The following MTOR variants were observed in gnomAD, a reference collection of about 807,000 sequenced individuals.
MTOR encodes the protein mechanistic target of rapamycin kinase, also known as serine/threonine-protein kinase mTOR.
Under a neutral mutation model 319.8 loss-of-function variants are expected in MTOR, and 70 were observed. The observed-to-expected ratio is 0.22, with a 90% CI of 0.18 to 0.27. The LOEUF (loss-of-function observed/expected upper bound fraction) is 0.27. Among genes scored for constraint, MTOR ranks in the 10% least tolerant of loss-of-function variants. The probability of loss-of-function intolerance (pLI) is 1.00; values close to 1 mark genes in which losing one functional copy is unlikely to be tolerated. For missense variants in MTOR, 1,890 were observed against 3,274.4 expected, an observed-to-expected ratio of 0.58 and a Z score of 10.32; for synonymous variants, 1,183 against 1,211.4, an observed-to-expected ratio of 0.98 and a Z score of 0.49.
intron 29 of MTOR, among the ~76,000 whole-genome samples, chr1:11,159,223 C>A (rs1010824606): frequency 6.6e-6 from 1 of 152,176 alleles, no homozygotes; most frequent in Non-Finnish European, 1.5e-5. Flanking sequence ...AGGTGGAGTA[C>A]ATGAAGTGCC....
Position 11,215,203 on chromosome 1 carries a change from A to T in MTOR, c.3117+945T>A, listed in dbSNP as rs554034353. Among the ~76,000 whole-genome samples the T allele has an allele frequency of 2.0e-5, 3 of 152,150 alleles. No homozygotes were observed. The South Asian group carries it at 6.2e-4, about 32-fold the overall frequency. On this transcript the variant is annotated intron_variant, in intron 20 of 57. Transcript: ENST00000361445. ...GGGGGATTAAGTCACAGATTACTTC[A>T]TCCTCCTCCCATGAGGACACTGCTT...
chr1:11,250,185 G>C (rs74379526), intron 6 of MTOR, among the ~76,000 whole-genome samples: 30 of 96,974 alleles, frequency 3.1e-4, no homozygotes, highest in East Asian at 6.9e-4. Context: ...CTGACCCCCC[G>C]ACCTCCCTCC....
In MTOR at chr1:11,259,429, G is replaced by A; in HGVS notation, c.-14-6C>T. 1 of 1,525,974 alleles carries A rather than the reference G, an allele frequency of 6.6e-7. No individual in the cohort carries two copies. The highest frequency in any genetic ancestry group is 8.7e-7 in the Non-Finnish European group (1 of 1,144,132). The allele number at this position is 1,525,974 out of a possible 1,614,324, so 94.5% of individuals were successfully genotyped here. A position where few individuals can be genotyped will look rare whatever the true frequency, so the allele number is the denominator to read the frequency against. On this transcript the variant is annotated splice_region_variant and splice_polypyrimidine_tract_variant and intron_variant, in intron 1 of 57. Coordinates refer to ENST00000361445, the MANE Select transcript of MTOR (RefSeq NM_004958.4). The stretch of plus-strand genomic sequence containing the variant: ...AAGCATCTTGCCCTGAGGTTCTTTA[G>A]AGAGAAGTTTCCTTTAATATTCTGG...
chr1:11,127,918 C>G lies in MTOR; in HGVS notation c.6033+86G>C, dbSNP rs972835789. The G allele has an allele frequency of 6.3e-7, 1 of 1,590,868 alleles. No homozygotes were observed. Among genetic ancestry groups the G allele is most frequent in the African/African-American group, 1.3e-5 (1 of 74,410 alleles). ...CAGCAGTCAGAGGAAGTGCACAGCA[C>G]CAATGCGAGGAAGAAAAACAATCCC... is the stretch of plus-strand genomic sequence containing the variant. On this transcript the variant is annotated intron_variant, in intron 43 of 57. Transcript: ENST00000361445. This position sits in a 1 kb window ranked among gnomAD's most constrained non-coding sequence, Gnocchi z 5.5.
chr1:11,226,103 AAC>A (rs1646826589), intron 19 of MTOR, among the ~76,000 whole-genome samples: 1 of 152,196 alleles, frequency 6.6e-6, no homozygotes, highest in South Asian at 2.1e-4. Context: ...CTTACATTAG[AAC>A]ACGTTATCAG....
chr1:11,227,091 A>T (rs1487746736), intron 19 of MTOR, among the ~76,000 whole-genome samples: 1 of 151,672 alleles, frequency 6.6e-6, no homozygotes, highest in Non-Finnish European at 1.5e-5. Context: ...TGAGGTTAGG[A>T]GCTCAAGACC....
rs1469203899 is a variant in MTOR, at chr1:11,127,817, G to C, written c.6034-11C>G. 6.2e-7 allele frequency: 1 copy of C among 1,607,722 alleles called. No individual in the cohort carries two copies. Among genetic ancestry groups the C allele is most frequent in the Non-Finnish European group, 8.5e-7 (1 of 1,176,824 alleles). On this transcript the variant is annotated splice_polypyrimidine_tract_variant and intron_variant, in intron 43 of 57. Coordinates refer to ENST00000361445, the MANE Select transcript of MTOR (RefSeq NM_004958.4). The surrounding 1 kb of genome is among the most constrained non-coding windows in gnomAD (Gnocchi z 5.5). ...CAGCTCCTCGCTCACCTGAAGCCAA[G>C]AGAAGAAGGAGAGAAGCATCAAGAA...
chr1:11,146,541 A>G, intron 32 of MTOR, 135 bp downstream of exon 32: 1 of 681,246 alleles, frequency 1.5e-6, no homozygotes, highest in Non-Finnish European at 2.6e-6. Context: ...ATGAATCAAA[A>G]CCATTCAAAT....
intron 34 of MTOR, 59 bp downstream of exon 34, chr1:11,144,589 C>G (rs1019637188): frequency 5.3e-6 from 8 of 1,499,798 alleles, no homozygotes; most frequent in Non-Finnish European, 7.4e-6. Flanking sequence ...GGGGCACTCA[C>G]CCAGGTCCTG....
intron 25 of MTOR, 125 bp downstream of exon 25, chr1:11,209,187 T>C: frequency 9.0e-7 from 1 of 1,109,300 alleles, no homozygotes; most frequent in Non-Finnish European, 1.3e-6. Context: ...AAGTTCATGG[T>C]ATCTAGATTT....
At chr1:11,116,975 G>T (rs1266348396) in intron 50 of MTOR, 29 bp downstream of exon 50, 1 of 1,528,046 alleles carries the variant, frequency 6.5e-7, no homozygotes, top group Non-Finnish European at 8.9e-7. Context: ...GGAGAAAGAA[G>T]ACTAAAAAAA....
chr1:11,179,756 G>GA (rs996221591), intron 28 of MTOR, among the ~76,000 whole-genome samples: 10 of 148,444 alleles, frequency 6.7e-5, no homozygotes, highest in East Asian at 2.0e-4. Flanking sequence ...AAGTGCATTT[G>GA]AAAAAAAAAA....
In MTOR at chr1:11,193,823, T is replaced by C. The variant is rs200235138; in HGVS notation, c.4253+5435A>G. ...ATGACTGGACCAGTGCCACCACACA[T>C]GACCGCGTACAACTCCGGGGGTGCC... On this transcript the variant is annotated intron_variant, in intron 28 of 57. Coordinates refer to ENST00000361445, the MANE Select transcript of MTOR (RefSeq NM_004958.4). The C allele has an allele frequency of 7.6e-6, 12 of 1,584,364 alleles. No individual in the cohort carries two copies. In the African/African-American group the frequency reaches 1.6e-4, roughly 21 times the overall value.
In MTOR at chr1:11,109,867, TTA is replaced by T. The variant is rs374713949; in HGVS notation, c.7367-140_7367-139del. On this transcript the variant is annotated intron_variant, in intron 54 of 57. Coordinates refer to ENST00000361445, the MANE Select transcript of MTOR (RefSeq NM_004958.4). This position sits in a 1 kb window ranked among gnomAD's most constrained non-coding sequence, Gnocchi z 4.0. The stretch of plus-strand genomic sequence containing the variant: ...TAAAGGGGAAAAGAGAAGGAAAGTT[TTA>T]TGTTACTCTTTATGTATTTCAAAGT... The T allele has an allele frequency of 7.4e-3, 5,177 of 700,590 alleles. 39 individuals are homozygous for T. Among genetic ancestry groups the T allele is most frequent in the Non-Finnish European group, 0.011 (4,415 of 408,082 alleles). The allele number at this position is 700,590 out of a possible 1,614,324, so 43.4% of individuals were successfully genotyped here. A position where few individuals can be genotyped will look rare whatever the true frequency, so the allele number is the denominator to read the frequency against.
chr1:11,251,258 T>C (rs928461496), intron 6 of MTOR, among the ~76,000 whole-genome samples: 1 of 152,184 alleles, frequency 6.6e-6, no homozygotes, highest in African/African-American at 2.4e-5. Flanking sequence ...ACTGCAGTAT[T>C]TGCTGCTCCT....
intron 34 of MTOR, among the ~76,000 whole-genome samples, chr1:11,141,062 C>T (rs1643677317): frequency 6.7e-6 from 1 of 149,436 alleles, no homozygotes; most frequent in South Asian, 2.1e-4. Flanking sequence ...CTACTAGTCT[C>T]AGATCAAAAA....
Position 11,128,086 on chromosome 1 carries a change from G to A in MTOR, c.5951C>T (p.Thr1984Met), listed in dbSNP as rs772288758. Residue 1984 changes from threonine to methionine, a missense_variant, in exon 43 of 58, where the codon ACG becomes ATG. By Grantham distance (81) the Thr-to-Met change is moderately conservative. Around this residue, in one of 15 missense-constraint regions of MTOR, gnomAD observed 249 missense variants for 596.2 expected, o/e 0.42. Transcript: ENST00000361445. This position sits in a 1 kb window ranked among gnomAD's most constrained non-coding sequence, Gnocchi z 5.3. Reference sequence around the variant, plus strand: ...GTTGGCTGCATTGTGCCGGGCTGTCGTGGTAGACTTAGAAGCCACTGTCAG... The same window carrying A: ...GTTGGCTGCATTGTGCCGGGCTGTCATGGTAGACTTAGAAGCCACTGTCAG... ...YPLTVASKST[T>M]TARHNAANKI... 15 of 1,614,072 alleles carry A rather than the reference G, an allele frequency of 9.3e-6. No individual in the cohort carries two copies. The highest frequency in any genetic ancestry group is 2.7e-5 in the African/African-American group (2 of 74,930).
At chr1:11,118,684 G>A (rs1422743675) in intron 49 of MTOR, among the ~76,000 whole-genome samples, 1 of 148,180 alleles carries the variant, frequency 6.7e-6, no homozygotes, top group Non-Finnish European at 1.5e-5. Context: ...AGATTGTGCA[G>A]TGGCACAATC....
At chr1:11,261,185 T>C (rs1651075099) in intron 1 of MTOR, among the ~76,000 whole-genome samples, 1 of 151,336 alleles carries the variant, frequency 6.6e-6, no homozygotes, top group Admixed American at 6.6e-5. Flanking sequence ...GCTCTTCAAA[T>C]GTAAGCTAAA....
Sources: gnomAD v4.1 joint callset for allele counts (sites outside exome capture counted in the v4.1 genomes callset) on GRCh38, gnomAD v4.1.1 for gene constraint, gnomAD v4.1.1 regional missense constraint, Gnocchi (gnomAD v3.1) non-coding constraint, MANE v1.5 for transcripts, NCBI Gene and HGNC (gene_info 2026-07-23, HGNC 2026-07-21) for gene names.